OSBPL3: variants seen among roughly 807,000 people sequenced by gnomAD.
The protein encoded by OSBPL3 is oxysterol-binding protein-related protein 3.
OSBPL3 carries 65 observed loss-of-function variants against 120.1 expected under a neutral mutation model. The ratio of observed to expected loss-of-function variants is 0.54; its 90% CI spans 0.44 to 0.67. The LOEUF is 0.67. Among genes scored for constraint, OSBPL3 ranks in the 30% least tolerant of loss-of-function variants. OSBPL3 has a pLI of 0.00. For synonymous variants in OSBPL3, 416 were observed against 402.6 expected, an observed-to-expected ratio of 1.03 and a Z score of -0.40; for missense variants, 1,004 against 1,082.1, an observed-to-expected ratio of 0.93 and a Z score of 1.01.
intron 5 of OSBPL3, among the ~76,000 whole-genome samples, chr7:24,868,338 A>T (rs1288770058): frequency 2.0e-4 from 27 of 137,950 alleles, no homozygotes; most frequent in Middle Eastern, 3.6e-3. Context: ...AAAAAAAAAA[A>T]GTGTGTGTGT....
chr7:24,979,915 T>C lies in OSBPL3; in HGVS notation c.-179A>G, dbSNP rs1818092636. The stretch of plus-strand genomic sequence containing the variant: ...GCGCTGTGCAGCCGGAGACGCTCCC[T>C]AGTTCCCCGGGGCCGGGCTCCGGGG... On this transcript the variant is annotated 5_prime_UTR_variant, in exon 1 of 23. Coordinates refer to ENST00000313367, the MANE Select transcript of OSBPL3 (RefSeq NM_015550.4). 1.0e-6 allele frequency: 1 copy of C among 969,252 alleles called. No individual in the cohort carries two copies. Among genetic ancestry groups the C allele is most frequent in the Non-Finnish European group, 1.2e-6 (1 of 822,380 alleles). The allele number at this position is 969,252 out of a possible 1,614,324, so 60.0% of individuals were successfully genotyped here.
chr7:24,904,518 T>C (rs534872359), intron 1 of OSBPL3, among the ~76,000 whole-genome samples: 1 of 152,344 alleles, frequency 6.6e-6, no homozygotes, highest in Admixed American at 6.5e-5. Flanking sequence ...TAGAAATAGT[T>C]TAAATATACA....
rs1799716062 is a variant in OSBPL3, at chr7:24,855,398, T to C, written c.1028-2764A>G. Among the ~76,000 whole-genome samples the C allele has an allele frequency of 6.6e-6, 1 of 152,194 alleles. No homozygotes were observed. Among genetic ancestry groups the C allele is most frequent in the Admixed American group, 6.5e-5 (1 of 15,278 alleles). On this transcript the variant is annotated intron_variant, in intron 10 of 22. Transcript: ENST00000313367. The surrounding 1 kb of genome is among the most constrained non-coding windows in gnomAD (Gnocchi z 4.3). ...AGAGTCCTACATAAATTTTAAAAAC[T>C]GGCAGAATATACAATATTTGGTTCA...
rs1275307271 is a variant in OSBPL3 at position 24,819,305 on chromosome 7, A to G, written c.1948+870T>C. Among the ~76,000 whole-genome samples, 2 of 152,110 alleles carry G rather than the reference A, an allele frequency of 1.3e-5. No individual in the cohort carries two copies. Among genetic ancestry groups the G allele is most frequent in the African/African-American group, 4.8e-5 (2 of 41,430 alleles). Reference sequence around the variant, plus strand: ...GAAAAAACAAAGAAGAGGTGCTTATAGCATGAGTGAGATTTACCAATTAGG... The same window carrying G: ...GAAAAAACAAAGAAGAGGTGCTTATGGCATGAGTGAGATTTACCAATTAGG... On this transcript the variant is annotated intron_variant, in intron 17 of 22. Transcript: ENST00000313367. The surrounding 1 kb of genome is among the most constrained non-coding windows in gnomAD (Gnocchi z 4.1).
In OSBPL3 at chr7:24,980,114, C is replaced by T; in HGVS notation, c.-378G>A. 2.1e-6 allele frequency: 2 copies of T among 932,134 alleles called. No individual in the cohort carries two copies. Among genetic ancestry groups the T allele is most frequent in the Non-Finnish European group, 2.6e-6 (2 of 781,484 alleles). The allele number at this position is 932,134 out of a possible 1,614,324, so 57.7% of individuals were successfully genotyped here. The stretch of plus-strand genomic sequence containing the variant: ...GCCGCGAAGCGCTCAAGTCCCCTCT[C>T]CCGGGCCGGCTGGCGGGCGCCACCA... On this transcript the variant is annotated 5_prime_UTR_variant, in exon 1 of 23. Coordinates refer to ENST00000313367, the MANE Select transcript of OSBPL3 (RefSeq NM_015550.4).
intron 1 of OSBPL3, among the ~76,000 whole-genome samples, chr7:24,973,228 C>CA (rs1817222245): frequency 6.6e-6 from 1 of 152,194 alleles, no homozygotes; most frequent in Non-Finnish European, 1.5e-5. Context: ...CACACCCACT[C>CA]AGAGAACTGG....
In OSBPL3 at chr7:24,833,210, A is replaced by T. The variant is rs12700550; in HGVS notation, c.1746+1276T>A. ...ACCCTGATTATCAGTAACAAGAAAG[A>T]AAGTCTCTTGGGCCAGGTACAGTGA... On this transcript the variant is annotated intron_variant, in intron 15 of 22. Coordinates refer to ENST00000313367, the MANE Select transcript of OSBPL3 (RefSeq NM_015550.4). The surrounding 1 kb of genome is among the most constrained non-coding windows in gnomAD (Gnocchi z 4.4). 0.1 allele frequency among the ~76,000 whole-genome samples: 15,416 copies of T among 152,216 alleles called. 1,253 individuals are homozygous for T. The highest frequency in any genetic ancestry group is 0.27 in the East Asian group (1,399 of 5,146).
At chr7:24,920,235 A>G (rs1810227871) in intron 1 of OSBPL3, among the ~76,000 whole-genome samples, 1 of 152,218 alleles carries the variant, frequency 6.6e-6, no homozygotes, top group South Asian at 2.1e-4. Flanking sequence ...AAAAGTAGAA[A>G]AAGCTAAATA....
Position 24,798,792 on chromosome 7 carries a change from A to G in OSBPL3, c.*1391T>C, listed in dbSNP as rs1791979887. 1 of 152,596 alleles carries G rather than the reference A, an allele frequency of 6.6e-6. No homozygotes were observed. The highest frequency in any genetic ancestry group is 6.6e-5 in the Admixed American group (1 of 15,264). The allele number at this position is 152,596 out of a possible 1,614,324, so 9.5% of individuals were successfully genotyped here. ...TCTGGAGAAATCTTTTTACTACATCATTATACTTGATATTCCATAGCATTG... is the reference window on the plus strand; with the variant it reads ...TCTGGAGAAATCTTTTTACTACATCGTTATACTTGATATTCCATAGCATTG... On this transcript the variant is annotated 3_prime_UTR_variant, in exon 23 of 23. Coordinates refer to ENST00000313367, the MANE Select transcript of OSBPL3 (RefSeq NM_015550.4). This position sits in a 1 kb window ranked among gnomAD's most constrained non-coding sequence, Gnocchi z 4.6.
intron 1 of OSBPL3, among the ~76,000 whole-genome samples, chr7:24,949,062 T>G (rs1052161316): frequency 6.6e-6 from 1 of 152,230 alleles, no homozygotes; most frequent in African/African-American, 2.4e-5. Context: ...TATCTCACCA[T>G]GAAAACATTG....
chr7:24,926,377 G>A (rs124), intron 1 of OSBPL3, among the ~76,000 whole-genome samples: 94,920 of 152,012 alleles, frequency 0.62, 30,369 homozygotes, highest in East Asian at 0.91. Context: ...CTCTACCTGA[G>A]TATTCTAATT....
chr7:24,874,513 A>G (rs1802591244), intron 2 of OSBPL3, among the ~76,000 whole-genome samples: 1 of 152,242 alleles, frequency 6.6e-6, no homozygotes, highest in East Asian at 1.9e-4. Flanking sequence ...AAAGGAAAAC[A>G]AGAATTAAAT....
upstream of OSBPL3, chr7:24,980,186 G>A (rs1055966956): frequency 1.0e-4 from 38 of 372,054 alleles, no homozygotes; most frequent in Admixed American, 1.9e-3. Context: ...CTCGGCGCGC[G>A]CCGCCCGGCG....
At chr7:24,919,363 G>A (rs765255978) in intron 1 of OSBPL3, among the ~76,000 whole-genome samples, 8 of 151,970 alleles carry the variant, frequency 5.3e-5, no homozygotes, top group Non-Finnish European at 8.8e-5. Context: ...TCACACTTAT[G>A]GTCACTTCAT....
Position 24,806,799 on chromosome 7 carries a change from G to A in OSBPL3, c.2421C>T (p.Asp807=), listed in dbSNP as rs1793100891. The A allele has an allele frequency of 1.2e-6, 2 of 1,613,954 alleles. No individual in the cohort carries two copies. Among genetic ancestry groups the A allele is most frequent in the East Asian group, 4.5e-5 (2 of 44,884 alleles). The stretch of plus-strand genomic sequence containing the variant: ...ACCTCTGGTCTGGCCTAAATCGAGT[G>A]TCAGTAGGTGGCAATAAAGACTTTG... ...PSSKSLLPPT[D]TRFRPDQRFL... is the part of the protein sequence containing the mutation. The change falls in exon 21 of 23, where the codon GAC becomes GAT. Residue 807 remains aspartate, a synonymous_variant. Coordinates refer to ENST00000313367, the MANE Select transcript of OSBPL3 (RefSeq NM_015550.4). The surrounding 1 kb of genome is among the most constrained non-coding windows in gnomAD (Gnocchi z 5.2).
chr7:24,865,124 C>CT (rs1478209694), intron 7 of OSBPL3, among the ~76,000 whole-genome samples: 2 of 152,272 alleles, frequency 1.3e-5, no homozygotes, highest in Middle Eastern at 3.4e-3. Flanking sequence ...ACTGAAGGAA[C>CT]AGAAGAAGAA....
In OSBPL3 at chr7:24,938,809, G is replaced by GTGTC. The variant is rs1812738365; in HGVS notation, c.-150+41076_-150+41077insGACA. ...TGTGTGTGTGTGTGTGTGTGTGTGTGTGTGTGTGTGTGTGTGTGTGTGTGT... is the reference window on the plus strand; with the variant it reads ...TGTGTGTGTGTGTGTGTGTGTGTGTGTGTCTGTGTGTGTGTGTGTGTGTGTGTGT... On this transcript the variant is annotated intron_variant, in intron 1 of 22. Transcript: ENST00000313367. This position sits in a 1 kb window ranked among gnomAD's most constrained non-coding sequence, Gnocchi z 5.8. Among the ~76,000 whole-genome samples, 1 of 150,864 alleles carries GTGTC rather than the reference G, an allele frequency of 6.6e-6. No individual in the cohort carries two copies. The highest frequency in any genetic ancestry group is 1.5e-5 in the Non-Finnish European group (1 of 67,644).
In OSBPL3 at chr7:24,962,734, T is replaced by A. The variant is rs59309613; in HGVS notation, c.-150+17152A>T. Among the ~76,000 whole-genome samples, 4 of 152,336 alleles carry A rather than the reference T, an allele frequency of 2.6e-5. No homozygotes were observed. In the East Asian group the frequency reaches 7.7e-4, roughly 29 times the overall value. On this transcript the variant is annotated intron_variant, in intron 1 of 22. Coordinates refer to ENST00000313367, the MANE Select transcript of OSBPL3 (RefSeq NM_015550.4). ...GGCAAGAAACAGGTCTTTAATGGCATGACTTGCCCCTAGGTCCAGCCGTGC... is the reference window on the plus strand; with the variant it reads ...GGCAAGAAACAGGTCTTTAATGGCAAGACTTGCCCCTAGGTCCAGCCGTGC...
chr7:24,863,860 C>A lies in OSBPL3; in HGVS notation c.674-261G>T, dbSNP rs1367185298. On this transcript the variant is annotated intron_variant, in intron 7 of 22. Coordinates refer to ENST00000313367, the MANE Select transcript of OSBPL3 (RefSeq NM_015550.4). This position sits in a 1 kb window ranked among gnomAD's most constrained non-coding sequence, Gnocchi z 5.8. The stretch of plus-strand genomic sequence containing the variant: ...ATTGAGAAAATTGCAAAACTGCATG[C>A]CTCAACTTCCTCATCAGAAAGATGG... Among the ~76,000 whole-genome samples the A allele has an allele frequency of 1.3e-5, 2 of 152,168 alleles. No homozygotes were observed. The highest frequency in any genetic ancestry group is 4.8e-5 in the African/African-American group (2 of 41,438).
Sources: allele counts gnomAD v4.1 joint callset (sites outside exome capture counted in the v4.1 genomes callset), GRCh38; gene constraint gnomAD v4.1.1; non-coding constraint Gnocchi (gnomAD v3.1); transcripts MANE v1.5; gene names NCBI Gene and HGNC (gene_info 2026-07-23, HGNC 2026-07-21).